Variants in SELENOI observed in about 807,000 individuals in gnomAD.
SELENOI encodes ethanolaminephosphotransferase 1.
SELENOI carries 24 observed loss-of-function variants against 50.7 expected under a neutral mutation model. That is an observed-to-expected ratio of 0.47 (90% CI 0.34 to 0.67). The LOEUF is 0.67. SELENOI is among the 30% of genes least tolerant of loss of function. SELENOI has a pLI of 0.01. For synonymous variants in SELENOI, 155 were observed against 170.2 expected, an observed-to-expected ratio of 0.91 and a Z score of 0.70; for missense variants, 352 against 461.4, an observed-to-expected ratio of 0.76 and a Z score of 2.17.
intron 6 of SELENOI, 94 bp from the exon 7 acceptor site, chr2:26,383,205 T>C: frequency 2.6e-6 from 2 of 763,204 alleles, no homozygotes; most frequent in Non-Finnish European, 2.0e-6. Flanking sequence ...ACCTGAAATT[T>C]TTGGGGTCTA....
chr2:26,383,520 G>A (rs547797791), intron 7 of SELENOI, among the ~76,000 whole-genome samples, 173 bp downstream of exon 7: 2 of 152,146 alleles, frequency 1.3e-5, no homozygotes, highest in African/African-American at 4.8e-5. Flanking sequence ...GGTGGCTAAT[G>A]TAGTCATTTC....
chr2:26,380,388 C>T (rs1677661965), intron 6 of SELENOI, among the ~76,000 whole-genome samples: 1 of 152,144 alleles, frequency 6.6e-6, no homozygotes. Flanking sequence ...GTACTATGTA[C>T]TGTGCCTTTT....
intron 4 of SELENOI, among the ~76,000 whole-genome samples, chr2:26,369,455 G>A (rs1460271707): frequency 2.6e-5 from 4 of 151,920 alleles, no homozygotes; most frequent in Non-Finnish European, 4.4e-5. Flanking sequence ...CACTATCTTC[G>A]TTACCCAGAA....
chr2:26,352,854 A>C (rs1676990230), intron 1 of SELENOI, among the ~76,000 whole-genome samples: 1 of 151,974 alleles, frequency 6.6e-6, no homozygotes, highest in African/African-American at 2.4e-5. Flanking sequence ...AAAAAAAAAA[A>C]AAAAACCAGA....
intron 2 of SELENOI, among the ~76,000 whole-genome samples, 161 bp downstream of exon 2, chr2:26,364,531 T>C (rs146252791): frequency 6.6e-5 from 10 of 152,350 alleles, no homozygotes; most frequent in African/African-American, 2.2e-4. Context: ...TTTTGATTTA[T>C]CTTACTGTTG....
intron 1 of SELENOI, among the ~76,000 whole-genome samples, chr2:26,347,957 C>T (rs554286126): frequency 1.3e-5 from 2 of 152,040 alleles, no homozygotes; most frequent in South Asian, 2.1e-4. Context: ...AAACAAAGGT[C>T]GATTTAGCAA....
chr2:26,357,688 C>T (rs541308823), intron 1 of SELENOI, among the ~76,000 whole-genome samples: 1 of 152,304 alleles, frequency 6.6e-6, no homozygotes, highest in African/African-American at 2.4e-5. Flanking sequence ...TTTCTGTCCC[C>T]TTGTCCTCTT....
At chr2:26,362,360 A>G (rs1677196261) in intron 1 of SELENOI, among the ~76,000 whole-genome samples, 1 of 152,220 alleles carries the variant, frequency 6.6e-6, no homozygotes, top group Admixed American at 6.5e-5. Flanking sequence ...CCATATTCAT[A>G]AAACTTATTC....
At chr2:26,357,908 C>T (rs1166990252) in intron 1 of SELENOI, among the ~76,000 whole-genome samples, 9 of 152,034 alleles carry the variant, frequency 5.9e-5, no homozygotes, top group African/African-American at 1.2e-4. Context: ...ACCATGGGGG[C>T]GGTTTCCTCC....
chr2:26,380,931 C>T (rs1371974959), intron 6 of SELENOI, among the ~76,000 whole-genome samples: 1 of 151,898 alleles, frequency 6.6e-6, no homozygotes, highest in East Asian at 1.9e-4. Flanking sequence ...GCATATTTTA[C>T]ATCTCTCAAA....
At chr2:26,368,280 G>C (rs1558416051) in intron 4 of SELENOI, among the ~76,000 whole-genome samples, 1 of 152,218 alleles carries the variant, frequency 6.6e-6, no homozygotes, top group Admixed American at 6.5e-5. Context: ...AGAGGTTTTT[G>C]CACATTTGTT....
At chr2:26,362,868 G>T (rs1677211357) in intron 1 of SELENOI, among the ~76,000 whole-genome samples, 1 of 152,076 alleles carries the variant, frequency 6.6e-6, no homozygotes, top group Non-Finnish European at 1.5e-5. Flanking sequence ...CCTCAAGGAG[G>T]GTTTGAACTA....
At chr2:26,367,023 A>G in intron 3 of SELENOI, 123 bp from the exon 4 acceptor site, 1 of 796,942 alleles carries the variant, frequency 1.3e-6, no homozygotes, top group Non-Finnish European at 1.8e-6. Context: ...TGGATTCAAA[A>G]TATATTGTAA....
intron 1 of SELENOI, among the ~76,000 whole-genome samples, chr2:26,358,991 A>C (rs2147947141): frequency 6.6e-6 from 1 of 152,320 alleles, no homozygotes; most frequent in East Asian, 1.9e-4. Context: ...TGTTGATTTA[A>C]CAACAAATTG....
chr2:26,374,848 G>A (rs1182654174), intron 5 of SELENOI, among the ~76,000 whole-genome samples, 192 bp from the exon 6 acceptor site: 1 of 152,152 alleles, frequency 6.6e-6, no homozygotes, highest in Non-Finnish European at 1.5e-5. Flanking sequence ...GGGATTACAG[G>A]CATGAGCCCC....
intron 1 of SELENOI, 36 bp downstream of exon 1, chr2:26,346,325 C>G (rs1179898530): frequency 6.3e-7 from 1 of 1,589,804 alleles, no homozygotes; most frequent in Non-Finnish European, 8.6e-7. Context: ...CTCCCTGCTC[C>G]CGGCCTCGCC....
chr2:26,388,610 A>G (rs1360426333), intron 9 of SELENOI, among the ~76,000 whole-genome samples: 1 of 152,192 alleles, frequency 6.6e-6, no homozygotes, highest in Non-Finnish European at 1.5e-5. Context: ...AAATTCATAG[A>G]TCTAGTTTTG....
intron 9 of SELENOI, among the ~76,000 whole-genome samples, 155 bp downstream of exon 9, chr2:26,386,691 A>G (rs951993579): frequency 6.6e-6 from 1 of 152,302 alleles, no homozygotes; most frequent in African/African-American, 2.4e-5. Flanking sequence ...AATTTTGGAT[A>G]ATATCCAGAT....
chr2:26,358,598 G>A (rs1677112138), intron 1 of SELENOI, among the ~76,000 whole-genome samples: 1 of 152,164 alleles, frequency 6.6e-6, no homozygotes, highest in African/African-American at 2.4e-5. Context: ...TTAAGTGAAA[G>A]CATTATTAGC....
Sources: gnomAD v4.1 joint callset for allele counts (sites outside exome capture counted in the v4.1 genomes callset) on GRCh38, gnomAD v4.1.1 for gene constraint, MANE v1.5 for transcripts, NCBI Gene and HGNC (gene_info 2026-07-23, HGNC 2026-07-21) for gene names.